The following USO1 variants were observed in gnomAD, a reference collection of about 807,000 sequenced individuals.
The protein encoded by USO1 is USO1 vesicle transport factor.
In USO1, 57 loss-of-function variants were observed where a neutral mutation model predicts 124.5. That is an observed-to-expected ratio of 0.46 (90% CI 0.37 to 0.57). The LOEUF (loss-of-function observed/expected upper bound fraction) is 0.57, where lower values mean the gene tolerates loss of function less well. USO1 is among the 20% of genes least tolerant of loss of function. The pLI is 0.00. For synonymous variants in USO1, 369 were observed against 362.8 expected (o/e 1.02, Z -0.19); for missense variants, 900 against 1,040.6 (o/e 0.86, Z 1.86).
At chr4:75,770,220 A>G in intron 4 of USO1, 1 of 315,360 alleles carries the variant, frequency 3.2e-6, no homozygotes, top group Non-Finnish European at 5.6e-6. Flanking sequence ...TTTAGATATC[A>G]TATTTAAACA....
In USO1 at chr4:75,755,937, G is replaced by A. The variant is rs183052643; in HGVS notation, c.219-1560G>A. 3.1e-4 allele frequency among the ~76,000 whole-genome samples: 47 copies of A among 152,214 alleles called. 1 individual carries two copies. Among genetic ancestry groups the A allele is most frequent in the East Asian group, 1.9e-3 (10 of 5,188 alleles). The stretch of plus-strand genomic sequence containing the variant: ...TGTAATCCCAGCACTTTGGGAAGCC[G>A]AGGTGAGCGAATCCCAAGGTCAGGA... On this transcript the variant is annotated intron_variant, in intron 3 of 23. Transcript: ENST00000514213.
chr4:75,813,137 A>G (rs1456962826), intron 23 of USO1, 69 bp from the exon 24 acceptor site: 17 of 1,518,228 alleles, frequency 1.1e-5, no homozygotes, highest in Non-Finnish European at 1.4e-5. Flanking sequence ...TATCAGTAGT[A>G]TATATTGTTA....
intron 3 of USO1, among the ~76,000 whole-genome samples, chr4:75,757,150 A>G (rs1210032510): frequency 2.6e-5 from 4 of 152,068 alleles, no homozygotes; most frequent in Admixed American, 6.6e-5. Flanking sequence ...TCCACTTGCT[A>G]TTATATCAAG....
chr4:75,754,075 C>T (rs1242062186), intron 3 of USO1, among the ~76,000 whole-genome samples: 1 of 150,006 alleles, frequency 6.7e-6, no homozygotes, highest in African/African-American at 2.4e-5. Context: ...GCGTGAGCCA[C>T]CGCGCCCAGC....
At chr4:75,803,224 CTATG>C (rs1401598264) in intron 17 of USO1, among the ~76,000 whole-genome samples, 1 of 151,572 alleles carries the variant, frequency 6.6e-6, no homozygotes, top group Non-Finnish European at 1.5e-5. Flanking sequence ...GGTTTGAAAA[CTATG>C]TAGCAATATG....
chr4:75,769,445 T>C (rs1037361129), intron 4 of USO1, among the ~76,000 whole-genome samples: 1 of 152,192 alleles, frequency 6.6e-6, no homozygotes, highest in Non-Finnish European at 1.5e-5. Context: ...CTGTCAATCT[T>C]GGATTGCTTT....
At chr4:75,788,029 A>T (rs927680230) in intron 10 of USO1, among the ~76,000 whole-genome samples, 2 of 150,564 alleles carry the variant, frequency 1.3e-5, no homozygotes, top group African/African-American at 4.9e-5. Flanking sequence ...CCATTCTCCT[A>T]CTCCAATCTG....
intron 19 of USO1, among the ~76,000 whole-genome samples, chr4:75,805,945 G>A (rs1267132989): frequency 2.0e-5 from 3 of 152,006 alleles, no homozygotes; most frequent in African/African-American, 4.8e-5. Flanking sequence ...CCATATGAAC[G>A]CAGGTAAATG....
chr4:75,753,636 C>G (rs1413084550), intron 3 of USO1, among the ~76,000 whole-genome samples: 2 of 151,766 alleles, frequency 1.3e-5, no homozygotes, highest in Middle Eastern at 3.2e-3. Flanking sequence ...GAGGATCACT[C>G]GAGCCCAGGA....
intron 13 of USO1, 102 bp from the exon 14 acceptor site, chr4:75,799,520 T>C (rs1488333453): frequency 3.8e-6 from 5 of 1,322,788 alleles, no homozygotes; most frequent in Non-Finnish European, 5.2e-6. Flanking sequence ...TCTTGTAAGA[T>C]GTTAAAGTTC....
chr4:75,770,404 A>G (rs759263249), intron 4 of USO1, 35 bp from the exon 5 acceptor site: 1 of 1,490,500 alleles, frequency 6.7e-7, no homozygotes, highest in Non-Finnish European at 9.0e-7. Context: ...ATAACCTACT[A>G]TTAAATTGAA....
intron 13 of USO1, among the ~76,000 whole-genome samples, chr4:75,796,985 C>T (rs1198412655): frequency 6.8e-6 from 1 of 146,990 alleles, no homozygotes; most frequent in Non-Finnish European, 1.5e-5. Context: ...TTAAGTCATA[C>T]TTAGAAAAGG....
chr4:75,766,966 A>G (rs1416904243), intron 4 of USO1, among the ~76,000 whole-genome samples: 2 of 152,196 alleles, frequency 1.3e-5, no homozygotes, highest in African/African-American at 4.8e-5. Flanking sequence ...AATGTACCTC[A>G]TTTCTTGAAG....
intron 1 of USO1, 38 bp from the exon 2 acceptor site, chr4:75,752,335 T>A (rs1384198784): frequency 2.5e-6 from 1 of 397,994 alleles, no homozygotes; most frequent in African/African-American, 2.1e-5. Context: ...TCACGGTTTT[T>A]TTTATTCTTT....
At chr4:75,790,525 A>G in intron 11 of USO1, 118 bp from the exon 12 acceptor site, 3 of 1,415,210 alleles carry the variant, frequency 2.1e-6, no homozygotes, top group Non-Finnish European at 2.8e-6. Context: ...AGAGATGGAA[A>G]TACTTAACTT....
intron 1 of USO1, among the ~76,000 whole-genome samples, chr4:75,742,456 G>T (rs543722812): frequency 6.6e-6 from 1 of 152,150 alleles, no homozygotes; most frequent in Non-Finnish European, 1.5e-5. Context: ...GTGGGTTTTG[G>T]AGATTTGTTT....
Position 75,725,820 on chromosome 4 carries a change from G to T in USO1, c.66+935G>T, listed in dbSNP as rs181060144. 1.9e-3 allele frequency among the ~76,000 whole-genome samples: 294 copies of T among 152,258 alleles called. 2 individuals carry two copies. In the Middle Eastern group the frequency reaches 0.02, roughly 11 times the overall value. On this transcript the variant is annotated intron_variant, in intron 1 of 23. Transcript: ENST00000514213. ...GTATAACACTTTAATGGCTAACTTT[G>T]TTAATGGGATCCTGAGGGATAATAT...
At chr4:75,770,309 T>C (rs1013171396) in intron 4 of USO1, 130 bp from the exon 5 acceptor site, 2 of 730,252 alleles carry the variant, frequency 2.7e-6, no homozygotes, top group Non-Finnish European at 4.0e-6. Context: ...GTGATATTGC[T>C]ACCAGCCACA....
At chr4:75,785,418 A>G (rs879857042) in intron 9 of USO1, among the ~76,000 whole-genome samples, 1 of 152,074 alleles carries the variant, frequency 6.6e-6, no homozygotes, top group East Asian at 1.9e-4. Context: ...AGTCTCTTCT[A>G]TGGCATTTTA....
Sources: allele counts gnomAD v4.1 joint callset (sites outside exome capture counted in the v4.1 genomes callset), GRCh38; gene constraint gnomAD v4.1.1; transcripts MANE v1.5; gene names NCBI Gene and HGNC (gene_info 2026-07-23, HGNC 2026-07-21).